The following EPB41 variants were observed in gnomAD, a reference collection of about 807,000 sequenced individuals.
The protein encoded by EPB41 is protein 4.1.
Under a neutral mutation model 108.0 loss-of-function variants are expected in EPB41, and 65 were observed. That is an observed-to-expected ratio of 0.60 (90% CI 0.49 to 0.74). The LOEUF (loss-of-function observed/expected upper bound fraction) is 0.74, where lower values mean the gene tolerates loss of function less well. Among genes scored for constraint, EPB41 ranks in the 30% least tolerant of loss-of-function variants. The pLI, the probability that EPB41 is intolerant of heterozygous loss-of-function variation, is 0.00. For synonymous variants in EPB41, 336 were observed against 358.9 expected (o/e 0.94, Z 0.72); for missense variants, 875 against 1,037.0 (o/e 0.84, Z 2.15).
At chr1:29,088,874 C>G (rs867174663) in intron 16 of EPB41, among the ~76,000 whole-genome samples, 8 of 152,174 alleles carry the variant, frequency 5.3e-5, no homozygotes, top group Admixed American at 2.6e-4. Context: ...AATCGGGAGC[C>G]TCAGATGGGA....
rs566702791 is a variant in EPB41, at chr1:29,098,821, A to G, written c.2313+886A>G. On this transcript the variant is annotated intron_variant, in intron 17 of 20. Coordinates refer to ENST00000343067, the MANE Select transcript of EPB41 (RefSeq NM_001376013.1). ...TGCAGTGGCGTGATGATCTCAGCTC[A>G]CTGCAACCTCTGCCTTCTGGGTTCA... 1.7e-3 allele frequency among the ~76,000 whole-genome samples: 257 copies of G among 151,846 alleles called. 1 individual carries two copies. The highest frequency in any genetic ancestry group is 2.8e-3 in the Non-Finnish European group (191 of 67,926).
At chr1:28,991,023 T>C (rs1202968421) in intron 2 of EPB41, among the ~76,000 whole-genome samples, 1 of 152,040 alleles carries the variant, frequency 6.6e-6, no homozygotes, top group Non-Finnish European at 1.5e-5. Flanking sequence ...TTTTAGGCCT[T>C]TTGGAAACTA....
chr1:28,899,891 T>C lies in EPB41; in HGVS notation c.-8+12681T>C, dbSNP rs184098127. Among the ~76,000 whole-genome samples, 1,260 of 152,308 alleles carry C rather than the reference T, an allele frequency of 8.3e-3. 10 individuals are homozygous for C. Among genetic ancestry groups the C allele is most frequent in the Middle Eastern group, 0.075 (22 of 294 alleles). On this transcript the variant is annotated intron_variant, in intron 1 of 16. Transcript: ENST00000347529. ...TTGGTTTAAATCCCAGCTTCACCCC[T>C]TACCAGCTGTGAGACCTCTAGCAAG... is the stretch of plus-strand genomic sequence containing the variant.
intron 1 of EPB41, among the ~76,000 whole-genome samples, chr1:28,928,841 T>C (rs1176201716): frequency 6.6e-6 from 1 of 152,134 alleles, no homozygotes; most frequent in Non-Finnish European, 1.5e-5. Context: ...ATAGAAGAAC[T>C]AGGTTACTGA....
At chr1:28,908,443 T>A (rs7554601) in intron 1 of EPB41, among the ~76,000 whole-genome samples, 42,292 of 145,218 alleles carry the variant, frequency 0.29, 7,453 homozygotes, top group East Asian at 0.84. Context: ...TATTATTATT[T>A]TTTTTTGAGA....
intron 7 of EPB41, among the ~76,000 whole-genome samples, chr1:29,026,322 A>T (rs1558065529): frequency 6.6e-6 from 1 of 152,238 alleles, no homozygotes; most frequent in Non-Finnish European, 1.5e-5. Flanking sequence ...CCCTGTTAGG[A>T]TATTGCGTTA....
chr1:28,905,518 C>A (rs544292278), intron 1 of EPB41, among the ~76,000 whole-genome samples: 2 of 151,226 alleles, frequency 1.3e-5, no homozygotes, highest in South Asian at 2.1e-4. Context: ...CAACAAAAAA[C>A]CAGAAAGCTT....
intron 1 of EPB41, among the ~76,000 whole-genome samples, chr1:28,931,372 TAAA>T (rs533690754): frequency 2.2e-4 from 22 of 98,856 alleles, no homozygotes; most frequent in Non-Finnish European, 3.0e-4. Flanking sequence ...ACTCTGTCAT[TAAA>T]AAAAAAAAAA....
chr1:28,904,553 GAT>G (rs982301740), intron 1 of EPB41, among the ~76,000 whole-genome samples: 2 of 152,152 alleles, frequency 1.3e-5, no homozygotes, highest in African/African-American at 2.4e-5. Context: ...ATTAGGATAA[GAT>G]GAGATTATGA....
intron 1 of EPB41, among the ~76,000 whole-genome samples, chr1:28,978,613 G>T (rs1205735761): frequency 6.6e-6 from 1 of 151,482 alleles, no homozygotes; most frequent in African/African-American, 2.4e-5. Context: ...GGGTATGTCT[G>T]TGAGGATGTT....
At chr1:29,049,653 A>G (rs181115667) in intron 11 of EPB41, among the ~76,000 whole-genome samples, 107 of 152,346 alleles carry the variant, frequency 7.0e-4, no homozygotes, top group Non-Finnish European at 1.5e-4. Context: ...AGCTAGAAGT[A>G]GAAGTTGTTT....
At chr1:29,108,888 GAAAA>G (rs35276284) in intron 17 of EPB41, among the ~76,000 whole-genome samples, 2 of 132,242 alleles carry the variant, frequency 1.5e-5, no homozygotes. Context: ...AGGTTACCCT[GAAAA>G]AAAAAAAAAA....
At chr1:28,913,264 C>T (rs897446874), upstream of EPB41, among the ~76,000 whole-genome samples, 3 of 151,958 alleles carry the variant, frequency 2.0e-5, no homozygotes, top group Non-Finnish European at 4.4e-5. Flanking sequence ...ACGGTGAAAC[C>T]CCGTCTCTAC....
chr1:29,063,017 G>A (rs927527384), intron 15 of EPB41, among the ~76,000 whole-genome samples: 5 of 152,136 alleles, frequency 3.3e-5, no homozygotes, highest in Non-Finnish European at 5.9e-5. Flanking sequence ...AACTAAGAGA[G>A]TTATCATTTT....
At position 28,887,761 on chromosome 1, in the gene EPB41, C is replaced by T. The variant is rs1569744686; in HGVS notation, c.-8+551C>T. Reference sequence around the variant, plus strand: ...CGCCAGCTGGGGCGCCGGCTGTGCCCGCCAGGGTGGCCCCCCCGGCCGTCG... The same window carrying T: ...CGCCAGCTGGGGCGCCGGCTGTGCCTGCCAGGGTGGCCCCCCCGGCCGTCG... On this transcript the variant is annotated intron_variant, in intron 1 of 16. Coordinates refer to the EPB41 transcript ENST00000347529. This position sits in a 1 kb window ranked among gnomAD's most constrained non-coding sequence, Gnocchi z 4.9. 2.2e-6 allele frequency: 2 copies of T among 903,584 alleles called. No individual in the cohort carries two copies. The highest frequency in any genetic ancestry group is 1.2e-4 in the East Asian group (1 of 8,424). 56.0% of individuals were successfully genotyped at this position (903,584 alleles called of 1,614,324 possible). A position where few individuals can be genotyped will look rare whatever the true frequency, so the allele number is the denominator to read the frequency against.
intron 12 of EPB41, chr1:29,053,650 C>G (rs969332820): frequency 7.5e-5 from 18 of 238,588 alleles, no homozygotes; most frequent in African/African-American, 4.0e-4. Context: ...AACTCCGCCT[C>G]GTGGGTTCAT....
intron 1 of EPB41, among the ~76,000 whole-genome samples, chr1:28,949,404 C>T (rs187511507): frequency 6.6e-6 from 1 of 152,212 alleles, no homozygotes; most frequent in Admixed American, 6.5e-5. Flanking sequence ...GGCATCACTG[C>T]ACTCCAGTAT....
chr1:28,924,960 C>T (rs987169013), intron 1 of EPB41, among the ~76,000 whole-genome samples: 5 of 149,724 alleles, frequency 3.3e-5, no homozygotes, highest in Non-Finnish European at 5.9e-5. Flanking sequence ...CTATGCCTGG[C>T]TAACTTTTTT....
intron 13 of EPB41, 63 bp from the exon 14 acceptor site, chr1:29,058,748 A>G: frequency 6.5e-7 from 1 of 1,532,130 alleles, no homozygotes; most frequent in Admixed American, 2.0e-5. Context: ...ATGAAGGTTC[A>G]AACAAACTTC....
Sources: allele counts gnomAD v4.1 joint callset (sites outside exome capture counted in the v4.1 genomes callset), GRCh38; gene constraint gnomAD v4.1.1; non-coding constraint Gnocchi (gnomAD v3.1); transcripts MANE v1.5; gene names NCBI Gene and HGNC (gene_info 2026-07-23, HGNC 2026-07-21).